Variants in ACTN2 observed in about 807,000 individuals in gnomAD.
ACTN2 encodes actinin alpha 2.
In ACTN2, 39 loss-of-function variants were observed where a neutral mutation model predicts 113.8. That is an observed-to-expected ratio of 0.34 (90% CI 0.27 to 0.45). The LOEUF is 0.45. Among genes scored for constraint, ACTN2 ranks in the 20% least tolerant of loss-of-function variants. The pLI is 1.00. For synonymous variants in ACTN2, 429 were observed against 444.1 expected (o/e 0.97, Z 0.43); for missense variants, 992 against 1,177.9 (o/e 0.84, Z 2.31).
chr1:236,752,082 G>A (rs770317608), intron 15 of ACTN2, among the ~76,000 whole-genome samples: 28 of 152,274 alleles, frequency 1.8e-4, no homozygotes, highest in Middle Eastern at 3.4e-3. Context: ...CTTAGAAAAC[G>A]ACATCTTGGG....
At chr1:236,735,919 G>A (rs1658860551) in intron 8 of ACTN2, among the ~76,000 whole-genome samples, 199 bp downstream of exon 8, 2 of 152,060 alleles carry the variant, frequency 1.3e-5, no homozygotes, top group South Asian at 4.2e-4. Context: ...TTCCTGAAAT[G>A]TTTTTATGTG....
chr1:236,689,928 G>A (rs1369802297), intron 1 of ACTN2, among the ~76,000 whole-genome samples: 4 of 152,198 alleles, frequency 2.6e-5, no homozygotes, highest in Admixed American at 2.6e-4. Flanking sequence ...AGCTCAGGAC[G>A]CTGTCCTTAA....
At chr1:236,746,402 G>T (rs1431570789) in intron 12 of ACTN2, among the ~76,000 whole-genome samples, 1 of 152,012 alleles carries the variant, frequency 6.6e-6, no homozygotes, top group Admixed American at 6.5e-5. Context: ...ACTGGGTTAA[G>T]CTTCTAGTTA....
At chr1:236,712,256 A>G (rs1658049427) in intron 1 of ACTN2, among the ~76,000 whole-genome samples, 2 of 152,194 alleles carry the variant, frequency 1.3e-5, no homozygotes, top group Non-Finnish European at 2.9e-5. Flanking sequence ...CTCCCTAGGC[A>G]ATGGTAATTA....
chr1:236,743,566 G>GC (rs1468700208), intron 11 of ACTN2, among the ~76,000 whole-genome samples: 1 of 148,768 alleles, frequency 6.7e-6, no homozygotes, highest in African/African-American at 2.5e-5. Flanking sequence ...TAAGAATATG[G>GC]CCCTTTTTTT....
Position 236,739,514 on chromosome 1 carries a change from C to T in ACTN2, c.1089C>T (p.Ser363=), listed in dbSNP as rs397516562. Residue 363 remains serine (S), a synonymous_variant, in exon 10 of 21, where the codon TCC becomes TCT. Transcript: ENST00000366578. ...RISNRPAFMP[S]EGKMVSDIAG... Reference sequence around the variant, plus strand: ...GCAACCGTCCTGCCTTCATGCCCTCCGAGGGCAAGATGGTGTCGGTGAGTA... The same window carrying T: ...GCAACCGTCCTGCCTTCATGCCCTCTGAGGGCAAGATGGTGTCGGTGAGTA... 5.5e-5 allele frequency: 88 copies of T among 1,613,918 alleles called. 2 individuals carry two copies. In the South Asian group the frequency reaches 5.7e-4, roughly 10 times the overall value.
chr1:236,709,343 T>TATATATATATATACAC (rs1657950517), intron 1 of ACTN2, among the ~76,000 whole-genome samples: 1 of 132,472 alleles, frequency 7.5e-6, no homozygotes, highest in South Asian at 2.3e-4. Context: ...TATATATACG[T>TATATATATATATACAC]GTATATATAT....
At chr1:236,733,380 A>G (rs1031948244) in intron 7 of ACTN2, among the ~76,000 whole-genome samples, 1 of 152,142 alleles carries the variant, frequency 6.6e-6, no homozygotes, top group Non-Finnish European at 1.5e-5. Context: ...TTCTCTTCTC[A>G]GTTCTTTGGT....
chr1:236,739,604 G>T, intron 10 of ACTN2, 72 bp downstream of exon 10: 1 of 1,544,466 alleles, frequency 6.5e-7, no homozygotes, highest in East Asian at 2.3e-5. Flanking sequence ...GTTTGACCTG[G>T]GTCAGGAGGA....
At chr1:236,707,432 G>A (rs1342507094) in intron 1 of ACTN2, among the ~76,000 whole-genome samples, 3 of 152,126 alleles carry the variant, frequency 2.0e-5, no homozygotes, top group East Asian at 3.9e-4. Context: ...GGCTTAAATC[G>A]TGACTATAGG....
At chr1:236,688,238 TA>T (rs921017859) in intron 1 of ACTN2, among the ~76,000 whole-genome samples, 3 of 151,190 alleles carry the variant, frequency 2.0e-5, no homozygotes, top group Admixed American at 6.6e-5. Context: ...TTTCATGGAT[TA>T]AAAAAAAAGA....
At chr1:236,698,836 G>A (rs1206285352) in intron 1 of ACTN2, among the ~76,000 whole-genome samples, 1 of 152,156 alleles carries the variant, frequency 6.6e-6, no homozygotes, top group African/African-American at 2.4e-5. Flanking sequence ...TCCAGGCACT[G>A]TTTTAACCTT....
At chr1:236,749,006 A>G in intron 13 of ACTN2, 118 bp from the exon 14 acceptor site, 3 of 1,170,880 alleles carry the variant, frequency 2.6e-6, no homozygotes, top group Non-Finnish European at 3.7e-6. Context: ...TTGTAGACAC[A>G]TGCTAATACG....
rs1300208796 is a variant in ACTN2, at chr1:236,742,996, C to T, written c.1208C>T (p.Ala403Val). 1 of 1,614,142 alleles carries T rather than the reference C, an allele frequency of 6.2e-7. No individual in the cohort carries two copies. The highest frequency in any genetic ancestry group is 1.1e-5 in the South Asian group (1 of 91,080). Residue 403 changes from alanine (A) to valine (V), a missense_variant, in exon 11 of 21, where the codon GCT becomes GTT. This residue lies in a region of ACTN2 where 736 missense variants were observed against 815.4 expected (regional missense o/e 0.90). Coordinates refer to ENST00000366578, the MANE Select transcript of ACTN2 (RefSeq NM_001103.4). Reference sequence around the variant, plus strand: ...AGACTGGAGCGCTTGGAACACCTGGCTGAGAAGTTCAGGCAGAAGGCCTCA... The same window carrying T: ...AGACTGGAGCGCTTGGAACACCTGGTTGAGAAGTTCAGGCAGAAGGCCTCA... ...IRRLERLEHL[A>V]EKFRQKASTH...
intron 15 of ACTN2, among the ~76,000 whole-genome samples, chr1:236,753,014 C>T (rs906102329): frequency 2.6e-5 from 4 of 152,070 alleles, no homozygotes; most frequent in Admixed American, 6.5e-5. Context: ...TTTTTCTCTT[C>T]CATTGATTGA....
intron 2 of ACTN2, among the ~76,000 whole-genome samples, chr1:236,718,217 T>TA (rs1213348471): frequency 6.6e-6 from 1 of 152,150 alleles, no homozygotes; most frequent in Non-Finnish European, 1.5e-5. Flanking sequence ...TGAAACAAAA[T>TA]AAGAGAAGAA....
At chr1:236,718,454 G>C (rs1658286197) in intron 2 of ACTN2, among the ~76,000 whole-genome samples, 1 of 152,232 alleles carries the variant, frequency 6.6e-6, no homozygotes, top group South Asian at 2.1e-4. Flanking sequence ...TGACTGGGAA[G>C]GATTATGGCA....
intron 1 of ACTN2, among the ~76,000 whole-genome samples, chr1:236,694,295 T>C (rs1657398770): frequency 2.0e-5 from 3 of 150,940 alleles, no homozygotes; most frequent in African/African-American, 7.3e-5. Context: ...TCTCGGCGGC[T>C]AACCACAACC....
chr1:236,698,996 G>T (rs1657599309), intron 1 of ACTN2, among the ~76,000 whole-genome samples: 1 of 152,180 alleles, frequency 6.6e-6, no homozygotes, highest in Non-Finnish European at 1.5e-5. Flanking sequence ...TTTGTCTAAT[G>T]TATGTAGAAA....
Sources: gnomAD v4.1 joint callset for allele counts (sites outside exome capture counted in the v4.1 genomes callset) on GRCh38, gnomAD v4.1.1 for gene constraint, gnomAD v4.1.1 regional missense constraint, MANE v1.5 for transcripts, NCBI Gene and HGNC (gene_info 2026-07-23, HGNC 2026-07-21) for gene names.